The following GULP1 variants were observed in gnomAD, a reference collection of about 807,000 sequenced individuals.
GULP1 encodes the protein PTB domain-containing engulfment adapter protein 1.
In GULP1, 19 loss-of-function variants were observed where a neutral mutation model predicts 40.9. The observed-to-expected ratio is 0.46, with a 90% CI of 0.32 to 0.68. The LOEUF (loss-of-function observed/expected upper bound fraction) is 0.68. Among genes scored for constraint, GULP1 ranks in the 30% least tolerant of loss-of-function variants. The pLI, the probability that GULP1 is intolerant of heterozygous loss-of-function variation, is 0.03. For missense variants in GULP1, 312 were observed against 362.2 expected (o/e 0.86, Z 1.12); for synonymous variants, 119 against 117.6 (o/e 1.01, Z -0.08).
In GULP1 at chr2:188,443,847, G is replaced by T. The variant is rs533773843; in HGVS notation, c.-44-33812G>T. 1.8e-4 allele frequency among the ~76,000 whole-genome samples: 28 copies of T among 152,018 alleles called. No homozygotes were observed. The East Asian group carries it at 5.4e-3, about 29-fold the overall frequency. On this transcript the variant is annotated intron_variant, in intron 2 of 11. Transcript: ENST00000409830. ...GATTACAGGTGCCTGCAAAAAAAAT[G>T]AATTTCTAATTCTAATTATAATTTA...
intron 7 of GULP1, among the ~76,000 whole-genome samples, chr2:188,565,285 G>A (rs1457945074): frequency 2.0e-5 from 3 of 151,802 alleles, no homozygotes; most frequent in South Asian, 2.1e-4. Context: ...TTCCCAATAC[G>A]TGTATCTGAA....
chr2:188,480,268 A>G (rs2061344244), intron 3 of GULP1, among the ~76,000 whole-genome samples: 1 of 152,046 alleles, frequency 6.6e-6, no homozygotes, highest in Admixed American at 6.6e-5. Flanking sequence ...TCACGTTTCC[A>G]AAACTACCAT....
intron 2 of GULP1, among the ~76,000 whole-genome samples, chr2:188,390,327 C>T (rs946941854): frequency 2.0e-5 from 3 of 152,070 alleles, no homozygotes; most frequent in African/African-American, 4.8e-5. Context: ...TGCAGGGCAT[C>T]TCATTGTGGT....
intron 2 of GULP1, chr2:188,384,395 AGACTCGCCCCCAT>A (rs769492549): frequency 8.5e-5 from 13 of 152,184 alleles, no homozygotes; most frequent in Non-Finnish European, 1.3e-4. Flanking sequence ...AGCACAGGAA[AGACTCGCCCCCAT>A]GATTCAATCA....
intron 1 of GULP1, among the ~76,000 whole-genome samples, chr2:188,365,360 T>C (rs974420609): frequency 6.6e-6 from 1 of 152,176 alleles, no homozygotes; most frequent in African/African-American, 2.4e-5. Context: ...TAAGGGGCTT[T>C]TGTAGTGATA....
intron 2 of GULP1, among the ~76,000 whole-genome samples, chr2:188,408,012 C>T (rs1402190645): frequency 6.6e-6 from 1 of 152,138 alleles, no homozygotes; most frequent in Non-Finnish European, 1.5e-5. Flanking sequence ...TTGAAAATGT[C>T]CCCCAAATTT....
intron 2 of GULP1, among the ~76,000 whole-genome samples, chr2:188,401,951 G>A (rs1401548135): frequency 1.3e-5 from 2 of 152,062 alleles, no homozygotes; most frequent in African/African-American, 4.8e-5. Context: ...TAGATTTCTG[G>A]AATGCAAAGC....
chr2:188,317,637 T>C (rs2039307395), intron 1 of GULP1, among the ~76,000 whole-genome samples: 1 of 152,072 alleles, frequency 6.6e-6, no homozygotes, highest in Non-Finnish European at 1.5e-5. Flanking sequence ...GTGTTTTTGT[T>C]GTATTTATAT....
In GULP1 at chr2:188,477,741, T is replaced by C. The variant is rs1402732241; in HGVS notation, c.28+11T>C. On this transcript the variant is annotated intron_variant, in intron 3 of 11. Coordinates refer to ENST00000409830, the MANE Select transcript of GULP1 (RefSeq NM_016315.4). ...TTAGCAGGAAGAAAGGTAAGTGTGG[T>C]CATTTTTTAAAACTTGGGAGTCAAG... 1 of 1,592,874 alleles carries C rather than the reference T, an allele frequency of 6.3e-7. No homozygotes were observed. The highest frequency in any genetic ancestry group is 1.4e-5 in the African/African-American group (1 of 73,616).
At chr2:188,332,943 C>T (rs1457839843) in intron 1 of GULP1, among the ~76,000 whole-genome samples, 1 of 152,060 alleles carries the variant, frequency 6.6e-6, no homozygotes, top group East Asian at 1.9e-4. Flanking sequence ...TGTATTGTGG[C>T]AGCAGTATGG....
At chr2:188,359,306 T>A (rs753305401) in intron 1 of GULP1, among the ~76,000 whole-genome samples, 3 of 152,154 alleles carry the variant, frequency 2.0e-5, no homozygotes, top group Non-Finnish European at 4.4e-5. Context: ...GCAAAGAAGA[T>A]GTAGTCACTG....
At chr2:188,385,387 AG>A (rs2152517356) in intron 2 of GULP1, among the ~76,000 whole-genome samples, 1 of 152,244 alleles carries the variant, frequency 6.6e-6, no homozygotes, top group African/African-American at 2.4e-5. Flanking sequence ...TCAAGTCCCT[AG>A]ACTTCGTAAA....
chr2:188,318,394 CA>C (rs764668143), intron 1 of GULP1, among the ~76,000 whole-genome samples: 26 of 152,016 alleles, frequency 1.7e-4, no homozygotes, highest in Non-Finnish European at 3.1e-4. Context: ...AGACAGATAA[CA>C]AAAATGTCAA....
intron 2 of GULP1, among the ~76,000 whole-genome samples, chr2:188,446,072 A>G (rs376836494): frequency 3.9e-5 from 6 of 152,278 alleles, no homozygotes; most frequent in South Asian, 2.1e-4. Flanking sequence ...AAAATGACCC[A>G]TATTCATTTC....
At chr2:188,363,312 T>C (rs186076381) in intron 1 of GULP1, among the ~76,000 whole-genome samples, 119 of 152,060 alleles carry the variant, frequency 7.8e-4, no homozygotes, top group East Asian at 3.1e-3. Context: ...CTGTAGATGT[T>C]ATGCAATAAT....
chr2:188,591,903 G>A (rs1008958555), intron 11 of GULP1: 5 of 151,552 alleles, frequency 3.3e-5, no homozygotes, highest in Non-Finnish European at 7.4e-5. Context: ...TTTGTGTGAC[G>A]TTAGCTTATG....
intron 2 of GULP1, among the ~76,000 whole-genome samples, chr2:188,440,587 C>CA (rs2057828184): frequency 6.6e-6 from 1 of 152,068 alleles, no homozygotes; most frequent in African/African-American, 2.4e-5. Context: ...TTTTTTGAGA[C>CA]AGAGTCTTGC....
intron 4 of GULP1, among the ~76,000 whole-genome samples, chr2:188,515,023 C>T (rs1307848096): frequency 6.6e-6 from 1 of 152,148 alleles, no homozygotes; most frequent in Admixed American, 6.5e-5. Context: ...CCGTGCAGGA[C>T]ATTTACTTGA....
chr2:188,571,171 T>A (rs1039824555), intron 9 of GULP1, among the ~76,000 whole-genome samples: 37 of 152,002 alleles, frequency 2.4e-4, no homozygotes, highest in African/African-American at 8.9e-4. Context: ...AAAATTAATA[T>A]CTAACTTATA....
Sources: gnomAD v4.1 joint callset for allele counts (sites outside exome capture counted in the v4.1 genomes callset) on GRCh38, gnomAD v4.1.1 for gene constraint, MANE v1.5 for transcripts, NCBI Gene and HGNC (gene_info 2026-07-23, HGNC 2026-07-21) for gene names.